HIP1R: variants seen among roughly 807,000 people sequenced by gnomAD.
HIP1R encodes huntingtin interacting protein 1 related, also known as huntingtin-interacting protein 1-related protein.
A neutral mutation model predicts 144.2 loss-of-function variants in HIP1R; 135 were observed. That is an observed-to-expected ratio of 0.94 (90% confidence interval 0.81 to 1.08). The LOEUF is 1.08. HIP1R is among the 50% of genes least tolerant of loss of function. HIP1R has a pLI of 0.00. For synonymous variants in HIP1R, 698 were observed against 612.8 expected (o/e 1.14, Z -2.05); for missense variants, 1,462 against 1,432.8 (o/e 1.02, Z -0.33).
At chr12:122,842,269 C>T (rs1170726937) in intron 1 of HIP1R, among the ~76,000 whole-genome samples, 1 of 152,204 alleles carries the variant, frequency 6.6e-6, no homozygotes, top group Non-Finnish European at 1.5e-5. Flanking sequence ...CTGTTAGGTG[C>T]CACGATAATA....
In HIP1R at chr12:122,861,533, T is replaced by A. The variant is rs769977489; in HGVS notation, c.3159+19T>A. On this transcript the variant is annotated intron_variant, in intron 31 of 31. Transcript: ENST00000253083. Reference sequence around the variant, plus strand: ...CCACCAGGTGCCGTCTGCACTGGGATGGGGGAGTTCCTGGACGGGGGTGCT... The same window carrying A: ...CCACCAGGTGCCGTCTGCACTGGGAAGGGGGAGTTCCTGGACGGGGGTGCT... 1 of 1,603,104 alleles carries A rather than the reference T, an allele frequency of 6.2e-7. No homozygotes were observed. Among genetic ancestry groups the A allele is most frequent in the East Asian group, 2.3e-5 (1 of 44,386 alleles).
At chr12:122,848,180 C>A in intron 2 of HIP1R, 86 bp downstream of exon 2, 1 of 1,424,404 alleles carries the variant, frequency 7.0e-7, no homozygotes, top group Non-Finnish European at 9.8e-7. Flanking sequence ...GTCAGCTGTG[C>A]CGGGGTCACA....
chr12:122,858,753 TG>T, intron 20 of HIP1R, 84 bp from the exon 21 acceptor site: 1 of 961,848 alleles, frequency 1.0e-6, no homozygotes, highest in Non-Finnish European at 1.7e-6. Context: ...CTCCTCCTCC[TG>T]GGATAGCTGG....
At chr12:122,861,666 C>T in intron 31 of HIP1R, 40 bp from the exon 32 acceptor site, 1 of 1,612,110 alleles carries the variant, frequency 6.2e-7, no homozygotes, top group Non-Finnish European at 8.5e-7. Flanking sequence ...CCCCAGGTGC[C>T]TGGCTGTGAC....
In HIP1R at chr12:122,840,590, G is replaced by A. The variant is rs2033030042; in HGVS notation, c.93+4947G>A. ...ATGCCGTGTAAGTGTTGGCTGTTAT[G>A]TTGTGTTCAGAAGAGCAGGCTGGGC... On this transcript the variant is annotated intron_variant, in intron 1 of 31. Transcript: ENST00000253083. This position sits in a 1 kb window ranked among gnomAD's most constrained non-coding sequence, Gnocchi z 4.2. Among the ~76,000 whole-genome samples the A allele has an allele frequency of 6.6e-6, 1 of 152,234 alleles. No individual in the cohort carries two copies. The highest frequency in any genetic ancestry group is 1.5e-5 in the Non-Finnish European group (1 of 68,040).
chr12:122,860,016 C>T (rs775710147), intron 24 of HIP1R, 31 bp from the exon 25 acceptor site: 14 of 1,542,828 alleles, frequency 9.1e-6, no homozygotes, highest in South Asian at 5.0e-5. Context: ...CTCTGCAGAG[C>T]GGCAGCTAAG....
At chr12:122,851,356 G>A in intron 7 of HIP1R, 59 bp downstream of exon 7, 1 of 1,388,986 alleles carries the variant, frequency 7.2e-7, no homozygotes, top group Non-Finnish European at 9.6e-7. Context: ...CCAGAGATGG[G>A]ACGAGAAGAA....
intron 1 of HIP1R, among the ~76,000 whole-genome samples, chr12:122,844,561 C>T (rs909540083): frequency 6.6e-6 from 1 of 152,214 alleles, no homozygotes; most frequent in Non-Finnish European, 1.5e-5. Context: ...ATTATCACTG[C>T]ATCCCCTGCA....
chr12:122,850,113 A>G (rs552700131), intron 5 of HIP1R, 158 bp downstream of exon 5: 2 of 706,988 alleles, frequency 2.8e-6, no homozygotes, highest in Non-Finnish European at 2.6e-6. Context: ...GGAGACGGGG[A>G]AGCCAGGGCA....
At chr12:122,846,003 C>T (rs1393436757) in intron 1 of HIP1R, among the ~76,000 whole-genome samples, 2 of 152,246 alleles carry the variant, frequency 1.3e-5, no homozygotes, top group Non-Finnish European at 2.9e-5. Flanking sequence ...TACAGCCTCT[C>T]TGGTGCCAGG....
At position 122,857,184 on chromosome 12, in the gene HIP1R, A is replaced by G. The variant is rs945069316; in HGVS notation, c.1784A>G (p.Gln595Arg). The change falls in exon 18 of 32, where the codon CAG becomes CGG. Residue 595 changes from glutamine to arginine, a missense_variant. Gln to Arg is a conservative substitution (Grantham distance 43, BLOSUM62 1). Around this residue, in one of 2 missense-constraint regions of HIP1R, gnomAD observed 1,112 missense variants for 1,011.7 expected, o/e 1.10. Coordinates refer to ENST00000253083, the MANE Select transcript of HIP1R (RefSeq NM_003959.3). ...GAGCAGCAGCGCAGCTCCCAGGAGC[A>G]GGGCGAGTTGCAGGGCCGGCTGGCA... ...SREQQRSSQE[Q>R]GELQGRLAER... 1.3e-6 allele frequency: 2 copies of G among 1,550,360 alleles called. No homozygotes were observed. Among genetic ancestry groups the G allele is most frequent in the Admixed American group, 2.0e-5 (1 of 50,988 alleles).
At position 122,858,357 on chromosome 12, in the gene HIP1R, G is replaced by T; in HGVS notation, c.1972G>T (p.Val658Leu). Reference protein sequence around the residue: ...LRCTSSPDYLVSRAQEALDAV... With the variant: ...LRCTSSPDYLLSRAQEALDAV... ...TCTCCTCGTGCTTGCAGACTACCTG[G>T]TGAGCAGGGCCCAGGAGGCCTTGGA... The change falls in exon 20 of 32, where the codon GTG becomes TTG. Residue 658 changes from valine (V) to leucine (L), a missense_variant. Around this residue, in one of 2 missense-constraint regions of HIP1R, gnomAD observed 1,112 missense variants for 1,011.7 expected, o/e 1.10. Transcript: ENST00000253083. The T allele has an allele frequency of 6.2e-7, 1 of 1,609,794 alleles. No individual in the cohort carries two copies. Among genetic ancestry groups the T allele is most frequent in the South Asian group, 1.1e-5 (1 of 90,774 alleles).
Position 122,840,303 on chromosome 12 carries a change from G to A in HIP1R, c.93+4660G>A, listed in dbSNP as rs151018639. Among the ~76,000 whole-genome samples the A allele has an allele frequency of 0.021, 3,197 of 152,272 alleles. 136 individuals are homozygous for A. The highest frequency in any genetic ancestry group is 0.074 in the Admixed American group (1,127 of 15,294). On this transcript the variant is annotated intron_variant, in intron 1 of 31. Coordinates refer to ENST00000253083, the MANE Select transcript of HIP1R (RefSeq NM_003959.3). This position sits in a 1 kb window ranked among gnomAD's most constrained non-coding sequence, Gnocchi z 4.2. The stretch of plus-strand genomic sequence containing the variant: ...GCGCCGCTTGCTGTCTTACCATTTG[G>A]CCTGTTCCTGTAGCTTTGGGGTGTG...
In HIP1R at chr12:122,855,381, A is replaced by G; in HGVS notation, c.969A>G (p.Thr323=). The change falls in exon 11 of 32, where the codon ACA becomes ACG. Residue 323 remains threonine (T), a synonymous_variant. Transcript: ENST00000253083. ...CGGAGAATCTCATTGAGATCAGCAC[A>G]GGGCCCCCCGCGGGGGAGCCAGTGG... ...EEPENLIEIS[T]GPPAGEPVVV... is the part of the protein sequence containing the mutation. The G allele has an allele frequency of 6.3e-7, 1 of 1,582,906 alleles. No individual in the cohort carries two copies. The highest frequency in any genetic ancestry group is 1.3e-5 in the African/African-American group (1 of 74,174).
chr12:122,861,678 A>C, intron 31 of HIP1R, 28 bp from the exon 32 acceptor site: 1 of 1,613,390 alleles, frequency 6.2e-7, no homozygotes, highest in Non-Finnish European at 8.5e-7. Flanking sequence ...GGCTGTGACC[A>C]CTGACCCCCC....
Position 122,856,732 on chromosome 12 carries a change from T to C in HIP1R, c.1620+6T>C. On this transcript the variant is annotated splice_donor_region_variant and intron_variant, in intron 17 of 31. Coordinates refer to ENST00000253083, the MANE Select transcript of HIP1R (RefSeq NM_003959.3). ...CCCTGAGCCACACAGAGCAGGTGCA[T>C]CTGGCTTTGATGACTGGAGGTGGGG... 1 of 1,562,876 alleles carries C rather than the reference T, an allele frequency of 6.4e-7. No homozygotes were observed. Among genetic ancestry groups the C allele is most frequent in the Non-Finnish European group, 8.7e-7 (1 of 1,153,718 alleles).
At chr12:122,839,251 CTTTCTGCTTCACTGGGCCTCAG>C (rs2032990479) in intron 1 of HIP1R, among the ~76,000 whole-genome samples, 2 of 152,304 alleles carry the variant, frequency 1.3e-5, no homozygotes, top group Admixed American at 1.3e-4. Flanking sequence ...ATCTGTGAAC[CTTTCTGCTTCACTGGGCCTCAG>C]TTTCCACTGC....
At position 122,855,471 on chromosome 12, in the gene HIP1R, C is replaced by G; in HGVS notation, c.993+66C>G. The G allele has an allele frequency of 2.6e-6, 4 of 1,546,498 alleles. No individual in the cohort carries two copies. In the South Asian group the frequency reaches 4.8e-5, roughly 18 times the overall value. On this transcript the variant is annotated intron_variant, in intron 11 of 31. Coordinates refer to ENST00000253083, the MANE Select transcript of HIP1R (RefSeq NM_003959.3). ...TGCAGCATGAGGCCAACGGGAGTGT[C>G]GGGTGGCCAGCCCTCCCTTTGCCCA...
At chr12:122,859,265 G>A in intron 22 of HIP1R, 68 bp downstream of exon 22, 10 of 1,532,724 alleles carry the variant, frequency 6.5e-6, no homozygotes, top group Non-Finnish European at 8.8e-6. Flanking sequence ...CCACCTCTGG[G>A]TTGGCTGAAC....
Sources: gnomAD v4.1 joint callset for allele counts (sites outside exome capture counted in the v4.1 genomes callset) on GRCh38, gnomAD v4.1.1 for gene constraint, gnomAD v4.1.1 regional missense constraint, Gnocchi (gnomAD v3.1) non-coding constraint, MANE v1.5 for transcripts, NCBI Gene and HGNC (gene_info 2026-07-23, HGNC 2026-07-21) for gene names.